The following FANCM variants were observed in gnomAD, a reference collection of about 807,000 sequenced individuals.
FANCM encodes Fanconi anemia group M protein.
Under a neutral mutation model 199.5 loss-of-function variants are expected in FANCM, and 140 were observed. That is an observed-to-expected ratio of 0.70 (90% CI 0.61 to 0.81). FANCM has a LOEUF of 0.81. Among genes scored for constraint, FANCM ranks in the 30% least tolerant of loss-of-function variants. The pLI, the probability that FANCM is intolerant of heterozygous loss-of-function variation, is 0.00. For missense variants in FANCM, 2,410 were observed against 2,421.4 expected (o/e 1.00, Z 0.10); for synonymous variants, 840 against 836.8 (o/e 1.00, Z -0.07).
chr14:45,158,607 TA>T (rs1887362137), intron 8 of FANCM, among the ~76,000 whole-genome samples: 1 of 152,086 alleles, frequency 6.6e-6, no homozygotes, highest in African/African-American at 2.4e-5. Flanking sequence ...CTTATGAAAT[TA>T]GGGGGAGCTG....
In FANCM at chr14:45,200,709, G is replaced by A. The variant is rs540719050; in HGVS notation, c.*701G>A. On this transcript the variant is annotated 3_prime_UTR_variant, in exon 23 of 23. Coordinates refer to ENST00000267430, the MANE Select transcript of FANCM (RefSeq NM_020937.4). Reference sequence around the variant, plus strand: ...GGCGGTTCCCCCATGCTGTTCTAGTGATAGTTCTCAGAGGATCTGATGGTT... The same window carrying A: ...GGCGGTTCCCCCATGCTGTTCTAGTAATAGTTCTCAGAGGATCTGATGGTT... 9.4e-4 allele frequency: 143 copies of A among 152,320 alleles called. No individual in the cohort carries two copies. Among genetic ancestry groups the A allele is most frequent in the African/African-American group, 3.0e-3 (125 of 41,552 alleles). 9.4% of individuals were successfully genotyped at this position (152,320 alleles called of 1,614,324 possible). A position where few individuals can be genotyped will look rare whatever the true frequency, so the allele number is the denominator to read the frequency against.
Position 45,196,440 on chromosome 14 carries a change from A to C in FANCM, c.5609A>C (p.Glu1870Ala), listed in dbSNP as rs1203682772. 3 of 1,613,982 alleles carry C rather than the reference A, an allele frequency of 1.9e-6. No homozygotes were observed. The highest frequency in any genetic ancestry group is 2.5e-6 in the Non-Finnish European group (3 of 1,180,006). The change falls in exon 21 of 23, where the codon GAG becomes GCG. Residue 1870 changes from glutamate to alanine, a missense_variant. Coordinates refer to ENST00000267430, the MANE Select transcript of FANCM (RefSeq NM_020937.4). ...RMVVERRSQS[E>A]MLNSVNKNKF... Reference sequence around the variant, plus strand: ...GTGGTGGAAAGGAGGTCTCAATCTGAGATGTTAAATAGTGTCAATAAGAAC... The same window carrying C: ...GTGGTGGAAAGGAGGTCTCAATCTGCGATGTTAAATAGTGTCAATAAGAAC...
chr14:45,149,039 G>A (rs1186508309), intron 4 of FANCM, 44 bp downstream of exon 4: 5 of 1,381,624 alleles, frequency 3.6e-6, no homozygotes, highest in Non-Finnish European at 5.2e-6. Context: ...AAATAAACTG[G>A]TAATTGAATT....
chr14:45,154,809 T>C lies in FANCM; in HGVS notation c.1296T>C (p.Ser432=). Residue 432 remains serine (S), a synonymous_variant, in exon 7 of 23, where the codon TCT becomes TCC. Coordinates refer to ENST00000267430, the MANE Select transcript of FANCM (RefSeq NM_020937.4). ...RTRSTSANGI[S]AIQQGDKNKK... Reference sequence around the variant, plus strand: ...GTAGTACTTCAGCAAATGGTATTTCTGCTATCCAACAAGGTCTGGTTTTTC... The same window carrying C: ...GTAGTACTTCAGCAAATGGTATTTCCGCTATCCAACAAGGTCTGGTTTTTC... 1 of 1,608,332 alleles carries C rather than the reference T, an allele frequency of 6.2e-7. No homozygotes were observed. Among genetic ancestry groups the C allele is most frequent in the Non-Finnish European group, 8.5e-7 (1 of 1,176,340 alleles).
intron 11 of FANCM, among the ~76,000 whole-genome samples, chr14:45,170,302 G>C (rs918556013): frequency 1.3e-5 from 2 of 152,150 alleles, no homozygotes; most frequent in Non-Finnish European, 2.9e-5. Flanking sequence ...GGCTGAGGTA[G>C]GATCAGTTGA....
intron 21 of FANCM, among the ~76,000 whole-genome samples, chr14:45,196,947 GTACTGTTTA>G (rs927667745): frequency 1.3e-5 from 2 of 152,142 alleles, no homozygotes; most frequent in African/African-American, 4.8e-5. Context: ...TTAAGTAGTG[GTACTGTTTA>G]TTGCAATTAT....
Position 45,137,167 on chromosome 14 carries a change from T to G in FANCM, c.607T>G (p.Cys203Gly). 6.2e-7 allele frequency: 1 copy of G among 1,613,904 alleles called. No homozygotes were observed. Among genetic ancestry groups the G allele is most frequent in the Non-Finnish European group, 8.5e-7 (1 of 1,179,948 alleles). ...VMVNDLSRGACPAAEIKCLVI... is the reference protein window; with the variant it reads ...VMVNDLSRGAGPAAEIKCLVI... ...GGTAAATGACCTTTCTAGAGGAGCT[T>G]GTCCCGCTGCTGAAATAAAGTGTTT... Residue 203 changes from cysteine to glycine, a missense_variant, in exon 2 of 23, where the codon TGT (cysteine) becomes GGT (glycine). Coordinates refer to ENST00000267430, the MANE Select transcript of FANCM (RefSeq NM_020937.4).
At chr14:45,148,274 CTTT>C (rs896472863) in intron 3 of FANCM, among the ~76,000 whole-genome samples, 3 of 148,568 alleles carry the variant, frequency 2.0e-5, no homozygotes, top group Non-Finnish European at 4.5e-5. Flanking sequence ...AGGATCCTCT[CTTT>C]TTTTTTTCTT....
At chr14:45,178,345 TTAA>T (rs1888846604) in intron 14 of FANCM, among the ~76,000 whole-genome samples, 1 of 152,218 alleles carries the variant, frequency 6.6e-6, no homozygotes, top group African/African-American at 2.4e-5. Flanking sequence ...GAAGTCCACG[TTAA>T]TGAGTGAGAT....
intron 22 of FANCM, 150 bp from the exon 23 acceptor site, chr14:45,199,720 C>A: frequency 1.6e-6 from 1 of 610,394 alleles, no homozygotes; most frequent in Admixed American, 2.9e-5. Context: ...GCTCTTTTAT[C>A]CAAACTAATG....
chr14:45,173,787 C>A (rs1335856833), intron 13 of FANCM, among the ~76,000 whole-genome samples: 1 of 152,162 alleles, frequency 6.6e-6, no homozygotes, highest in Non-Finnish European at 1.5e-5. Context: ...GATTAAATGA[C>A]CTAATATATG....
In FANCM at chr14:45,176,670, A is replaced by G; in HGVS notation, c.3916A>G (p.Asn1306Asp). The G allele has an allele frequency of 6.2e-7, 1 of 1,613,818 alleles. No individual in the cohort carries two copies. Among genetic ancestry groups the G allele is most frequent in the Non-Finnish European group, 8.5e-7 (1 of 1,179,854 alleles). Residue 1306 changes from asparagine (N) to aspartate (D), a missense_variant, in exon 14 of 23, where the codon AAT becomes GAT. Coordinates refer to ENST00000267430, the MANE Select transcript of FANCM (RefSeq NM_020937.4). ...ATCAAATGAAGATATGCAGAATCCAAATTATGTACATTTGCCACTGAGTGC... is the reference window on the plus strand; with the variant it reads ...ATCAAATGAAGATATGCAGAATCCAGATTATGTACATTTGCCACTGAGTGC... ...IPSNEDMQNP[N>D]YVHLPLSAAK...
intron 2 of FANCM, among the ~76,000 whole-genome samples, chr14:45,140,313 T>C (rs999016153): frequency 6.6e-6 from 1 of 152,136 alleles, no homozygotes. Context: ...ACCACCCACC[T>C]TGGCCTCCCA....
chr14:45,158,828 T>C (rs577221457), intron 8 of FANCM, among the ~76,000 whole-genome samples: 4 of 152,218 alleles, frequency 2.6e-5, no homozygotes, highest in South Asian at 4.1e-4. Flanking sequence ...AAATTATTTA[T>C]TTATTTGTAT....
intron 21 of FANCM, among the ~76,000 whole-genome samples, chr14:45,197,062 A>G (rs1890098812): frequency 6.6e-6 from 1 of 152,198 alleles, no homozygotes; most frequent in African/African-American, 2.4e-5. Flanking sequence ...GTGGGTACCT[A>G]GGATGCATTT....
chr14:45,189,734 C>T (rs1594816080), intron 20 of FANCM, among the ~76,000 whole-genome samples: 1 of 152,080 alleles, frequency 6.6e-6, no homozygotes, highest in Admixed American at 6.5e-5. Context: ...TCTGGGAGGC[C>T]GAGGCAGGTG....
At chr14:45,149,875 T>C (rs1328525530) in intron 4 of FANCM, among the ~76,000 whole-genome samples, 3 of 152,002 alleles carry the variant, frequency 2.0e-5, no homozygotes, top group African/African-American at 7.2e-5. Context: ...GGAGTTATTA[T>C]TGGCATCTAG....
chr14:45,146,164 C>T (rs1470694824), intron 3 of FANCM, among the ~76,000 whole-genome samples: 1 of 149,196 alleles, frequency 6.7e-6, no homozygotes, highest in African/African-American at 2.5e-5. Context: ...TGGCGTGAAC[C>T]CGGGAGGCAG....
At chr14:45,139,012 A>G (rs1315249224) in intron 2 of FANCM, among the ~76,000 whole-genome samples, 1 of 152,248 alleles carries the variant, frequency 6.6e-6, no homozygotes, top group Admixed American at 6.5e-5. Context: ...AAACTGCCTC[A>G]CAATCTGAAA....
Sources: allele counts gnomAD v4.1 joint callset (sites outside exome capture counted in the v4.1 genomes callset), GRCh38; gene constraint gnomAD v4.1.1; transcripts MANE v1.5; gene names NCBI Gene and HGNC (gene_info 2026-07-23, HGNC 2026-07-21).